The following GPR157 variants were observed in gnomAD, a reference collection of about 807,000 sequenced individuals.
GPR157 encodes the protein G protein-coupled receptor 157.
In GPR157, 16 loss-of-function variants were observed where a neutral mutation model predicts 23.5. That is an observed-to-expected ratio of 0.68 (90% CI 0.46 to 1.04). GPR157 has a LOEUF of 1.04. GPR157 is among the 50% of genes least tolerant of loss of function. The pLI is 0.00. For missense variants in GPR157, 440 were observed against 460.7 expected (o/e 0.96, Z 0.41); for synonymous variants, 200 against 221.5 (o/e 0.90, Z 0.86).
intron 1 of GPR157, among the ~76,000 whole-genome samples, chr1:9,126,005 C>A (rs1020758664): frequency 2.6e-5 from 4 of 151,504 alleles, no homozygotes; most frequent in Admixed American, 1.3e-4. Flanking sequence ...TGCTCTATCA[C>A]CCAGGCTGGA....
intron 1 of GPR157, among the ~76,000 whole-genome samples, chr1:9,117,863 C>G (rs1027013842): frequency 1.3e-5 from 2 of 152,050 alleles, no homozygotes; most frequent in African/African-American, 4.8e-5. Context: ...CCCCTTCATA[C>G]GGGAAGCCAC....
At position 9,111,477 on chromosome 1, in the gene GPR157, C is replaced by A. The variant is rs532082112; in HGVS notation, c.396G>T (p.Pro132=). ...WAFHVVSWGV[P]LVITVAAVAL... is the part of the protein sequence containing the mutation. ...CGACGGCTGCCACAGTGATGACCAA[C>A]GGGACCCCCCAGCTGAGGAAGGAGG... The change falls in exon 2 of 4, where the codon CCG becomes CCT. Residue 132 remains proline, a synonymous_variant. Transcript: ENST00000377411. 6.2e-6 allele frequency: 10 copies of A among 1,613,278 alleles called. No homozygotes were observed. The highest frequency in any genetic ancestry group is 8.5e-6 in the Non-Finnish European group (10 of 1,179,506).
At position 9,111,451 on chromosome 1, in the gene GPR157, G is replaced by A; in HGVS notation, c.422C>T (p.Ala141Val). 1 of 1,613,996 alleles carries A rather than the reference G, an allele frequency of 6.2e-7. No homozygotes were observed. Among genetic ancestry groups the A allele is most frequent in the Non-Finnish European group, 8.5e-7 (1 of 1,180,020 alleles). ...GGCGTCATAGCCAATCTTCTTCAGGGCGACGGCTGCCACAGTGATGACCAA... is the reference window on the plus strand; with the variant it reads ...GGCGTCATAGCCAATCTTCTTCAGGACGACGGCTGCCACAGTGATGACCAA... ...VPLVITVAAVALKKIGYDASD... is the reference protein window; with the variant it reads ...VPLVITVAAVVLKKIGYDASD... The change falls in exon 2 of 4, where the codon GCC becomes GTC. Residue 141 changes from alanine to valine, a missense_variant. Coordinates refer to ENST00000377411, the MANE Select transcript of GPR157 (RefSeq NM_024980.5).
chr1:9,128,568 G>T lies in GPR157; in HGVS notation c.383+77C>A. ...GGTAGGGGGTGTCCAACCTAGACGCGGCCTCTGGGAGGGCAAGACCGGGAG... is the reference window on the plus strand; with the variant it reads ...GGTAGGGGGTGTCCAACCTAGACGCTGCCTCTGGGAGGGCAAGACCGGGAG... On this transcript the variant is annotated intron_variant, in intron 1 of 3. Coordinates refer to ENST00000377411, the MANE Select transcript of GPR157 (RefSeq NM_024980.5). This position sits in a 1 kb window ranked among gnomAD's most constrained non-coding sequence, Gnocchi z 6.3. 1 of 1,392,038 alleles carries T rather than the reference G, an allele frequency of 7.2e-7. No homozygotes were observed. Among genetic ancestry groups the T allele is most frequent in the Non-Finnish European group, 1.0e-6 (1 of 993,672 alleles). 86.2% of individuals were successfully genotyped at this position (1,392,038 alleles called of 1,614,324 possible). A position where few individuals can be genotyped will look rare whatever the true frequency, so the allele number is the denominator to read the frequency against.
intron 2 of GPR157, among the ~76,000 whole-genome samples, chr1:9,106,261 C>G (rs544961405): frequency 6.6e-6 from 1 of 152,186 alleles, no homozygotes; most frequent in Admixed American, 6.5e-5. Context: ...CCACTGCCCC[C>G]GTGTCCAGGC....
chr1:9,114,058 C>T (rs1008601429), intron 1 of GPR157, among the ~76,000 whole-genome samples: 10 of 151,350 alleles, frequency 6.6e-5, no homozygotes, highest in South Asian at 2.1e-4. Flanking sequence ...AGGTGGCTCA[C>T]GCCCGAATCC....
rs2124518803 is a variant in GPR157, at chr1:9,116,213, A to ATATATTTATAT, written c.384-4725_384-4724insATATAAATATA. On this transcript the variant is annotated intron_variant, in intron 1 of 3. Coordinates refer to ENST00000377411, the MANE Select transcript of GPR157 (RefSeq NM_024980.5). ...ATAATATAATTATATATATAATTAT[A>ATATATTTATAT]TATATATTACATATAATATAATTAT... 5.5e-3 allele frequency among the ~76,000 whole-genome samples: 3 copies of ATATATTTATAT among 550 alleles called. 1 individual carries two copies. Among genetic ancestry groups the ATATATTTATAT allele is most frequent in the African/African-American group, 0.023 (2 of 88 alleles). 0.4% of individuals were successfully genotyped at this position (550 alleles called of 152,430 possible). A position where few individuals can be genotyped will look rare whatever the true frequency, so the allele number is the denominator to read the frequency against.
At chr1:9,106,779 C>T (rs1326177057) in intron 2 of GPR157, among the ~76,000 whole-genome samples, 1 of 152,180 alleles carries the variant, frequency 6.6e-6, no homozygotes, top group African/African-American at 2.4e-5. Flanking sequence ...GACTGGCCAA[C>T]ATGGTGAAAC....
At chr1:9,113,956 A>AC (rs1638572787) in intron 1 of GPR157, among the ~76,000 whole-genome samples, 5 of 121,884 alleles carry the variant, frequency 4.1e-5, no homozygotes, top group African/African-American at 9.6e-5. Context: ...AAAAAAACCA[A>AC]ACACACACAC....
Position 9,120,788 on chromosome 1 carries a change from C to G in GPR157, c.383+7857G>C, listed in dbSNP as rs561056027. 6.6e-6 allele frequency among the ~76,000 whole-genome samples: 1 copy of G among 152,230 alleles called. No homozygotes were observed. The highest frequency in any genetic ancestry group is 1.5e-5 in the Non-Finnish European group (1 of 68,036). On this transcript the variant is annotated intron_variant, in intron 1 of 3. Transcript: ENST00000377411. This position sits in a 1 kb window ranked among gnomAD's most constrained non-coding sequence, Gnocchi z 4.1. ...CTCCTGCCAAGTTGCTGGTGCTCAG[C>G]GCTCTGCCATGAGCTTCCTGCTGCA...
At chr1:9,119,161 T>C (rs917635502) in intron 1 of GPR157, among the ~76,000 whole-genome samples, 1 of 150,314 alleles carries the variant, frequency 6.7e-6, no homozygotes, top group African/African-American at 2.4e-5. Flanking sequence ...GCCTCCCAAA[T>C]AGCTGGGATC....
At chr1:9,114,779 G>C (rs1638598962) in intron 1 of GPR157, among the ~76,000 whole-genome samples, 2 of 152,106 alleles carry the variant, frequency 1.3e-5, no homozygotes, top group South Asian at 4.1e-4. Context: ...AAATTAGCCA[G>C]GCGTGGCAGT....
chr1:9,105,519 C>G lies in GPR157; in HGVS notation c.759G>C (p.Pro253=). 3 of 1,585,588 alleles carry G rather than the reference C, an allele frequency of 1.9e-6. No homozygotes were observed. The highest frequency in any genetic ancestry group is 2.6e-6 in the Non-Finnish European group (3 of 1,166,492). The change falls in exon 3 of 4, where the codon CCG becomes CCC. Residue 253 remains proline, a synonymous_variant. Coordinates refer to ENST00000377411, the MANE Select transcript of GPR157 (RefSeq NM_024980.5). This position sits in a 1 kb window ranked among gnomAD's most constrained non-coding sequence, Gnocchi z 4.8. ...CCACCAGCACCGGCGTCTGCACGGCCGGGGAGCCACAGAGGGTCAGCACGA... is the reference window on the plus strand; with the variant it reads ...CCACCAGCACCGGCGTCTGCACGGCGGGGGAGCCACAGAGGGTCAGCACGA... The part of the protein sequence containing the change: ...VRFVLTLCGS[P]AVQTPVLVVL...
At chr1:9,124,603 C>T (rs544789387) in intron 1 of GPR157, among the ~76,000 whole-genome samples, 23 of 152,254 alleles carry the variant, frequency 1.5e-4, no homozygotes, top group Non-Finnish European at 2.6e-4. Flanking sequence ...AAACACCCCA[C>T]GGCTCTTCTA....
At position 9,111,319 on chromosome 1, in the gene GPR157, A is replaced by C; in HGVS notation, c.554T>G (p.Leu185Arg). The C allele has an allele frequency of 1.2e-6, 2 of 1,614,234 alleles. No homozygotes were observed. The highest frequency in any genetic ancestry group is 2.7e-5 in the African/African-American group (2 of 75,064). The part of the protein sequence containing the change: ...KLWEMLAYVL[L>R]PLLYLLVRKH... ...CCGGACCAGGAGGTACAGCAGAGGC[A>C]GCAGCACATATGCCAGCATCTCCCA... Residue 185 changes from leucine (L) to arginine (R), a missense_variant, in exon 2 of 4, where the codon CTG becomes CGG. By Grantham distance (102) the Leu-to-Arg change is moderately radical. Transcript: ENST00000377411.
intron 1 of GPR157, among the ~76,000 whole-genome samples, chr1:9,126,889 T>C (rs1638973098): frequency 6.6e-6 from 1 of 152,162 alleles, no homozygotes; most frequent in Non-Finnish European, 1.5e-5. Flanking sequence ...CTTTTCTTTT[T>C]CCTTCATTTT....
rs541240110 is a variant in GPR157, at chr1:9,124,623, AG to A, written c.383+4021del. 3.3e-5 allele frequency among the ~76,000 whole-genome samples: 5 copies of A among 152,248 alleles called. No homozygotes were observed. The East Asian group carries it at 9.7e-4, about 29-fold the overall frequency. ...CCCCACGGCTCTTCTAGGCCTCTTT[AG>A]GGTTATGGCATACTCCCTTCTGAGA... On this transcript the variant is annotated intron_variant, in intron 1 of 3. Coordinates refer to ENST00000377411, the MANE Select transcript of GPR157 (RefSeq NM_024980.5).
intron 1 of GPR157, among the ~76,000 whole-genome samples, chr1:9,113,063 G>A (rs376382306): frequency 1.8e-4 from 28 of 152,248 alleles, no homozygotes; most frequent in African/African-American, 6.5e-4. Context: ...TGTCATTGTC[G>A]GGTCGTTATG....
At chr1:9,112,066 G>A (rs1188505196) in intron 1 of GPR157, among the ~76,000 whole-genome samples, 2 of 152,206 alleles carry the variant, frequency 1.3e-5, no homozygotes, top group Non-Finnish European at 2.9e-5. Context: ...TGTGAGTCAC[G>A]TCCTGCTGTC....
Sources: gnomAD v4.1 joint callset for allele counts (sites outside exome capture counted in the v4.1 genomes callset) on GRCh38, gnomAD v4.1.1 for gene constraint, Gnocchi (gnomAD v3.1) non-coding constraint, MANE v1.5 for transcripts, NCBI Gene and HGNC (gene_info 2026-07-23, HGNC 2026-07-21) for gene names.